The following TTC39C variants were observed in gnomAD, a reference collection of about 807,000 sequenced individuals.
TTC39C encodes tetratricopeptide repeat protein 39C.
A neutral mutation model predicts 76.3 loss-of-function variants in TTC39C; 33 were observed. That is an observed-to-expected ratio of 0.43 (90% CI 0.33 to 0.58). TTC39C has a LOEUF of 0.58. Ranked by LOEUF, TTC39C falls within the 20% of genes least tolerant of loss-of-function variation. The pLI is 0.04. For synonymous variants in TTC39C, 254 were observed against 260.6 expected (o/e 0.97, Z 0.24); for missense variants, 595 against 701.4 (o/e 0.85, Z 1.71).
intron 1 of TTC39C, among the ~76,000 whole-genome samples, chr18:24,061,593 TAAAAAAA>T (rs35502981): frequency 1.0e-5 from 1 of 95,824 alleles, no homozygotes; most frequent in Non-Finnish European, 2.0e-5. Flanking sequence ...TTGAAATAAG[TAAAAAAA>T]AAAAAAAAAA....
Position 24,020,222 on chromosome 18 carries a change from G to A in TTC39C, c.167+5184G>A, listed in dbSNP as rs950885282. 5 of 1,076,192 alleles carry A rather than the reference G, an allele frequency of 4.6e-6. No individual in the cohort carries two copies. In the African/African-American group the frequency reaches 5.0e-5, roughly 11 times the overall value. 66.7% of individuals were successfully genotyped at this position (1,076,192 alleles called of 1,614,324 possible). The stretch of plus-strand genomic sequence containing the variant: ...CAACTCAGTGGTGTGTTGGAAAAAG[G>A]CATCTTTTTTCCCCCAACTATTACA... On this transcript the variant is annotated intron_variant, in intron 1 of 13. Transcript: ENST00000317571.
At chr18:24,099,932 T>C (rs2084656213) in intron 6 of TTC39C, among the ~76,000 whole-genome samples, 1 of 152,192 alleles carries the variant, frequency 6.6e-6, no homozygotes, top group Non-Finnish European at 1.5e-5. Flanking sequence ...TGTGATATTA[T>C]TTTATTAGAC....
chr18:24,126,426 TA>T (rs35976434), intron 10 of TTC39C, among the ~76,000 whole-genome samples: 74,782 of 109,912 alleles, frequency 0.68, 25,498 homozygotes, highest in Non-Finnish European at 0.77. Context: ...CCTATTTCTT[TA>T]AAAAAAAAAA....
At chr18:24,045,268 C>CAAAAA (rs1363885578) in intron 1 of TTC39C, among the ~76,000 whole-genome samples, 7 of 5,272 alleles carry the variant, frequency 1.3e-3, no homozygotes, top group African/African-American at 5.3e-3. Flanking sequence ...GACTCTGTCT[C>CAAAAA]CAAAAAAAAA....
chr18:24,051,032 C>T (rs974729299), intron 1 of TTC39C, among the ~76,000 whole-genome samples: 1 of 152,030 alleles, frequency 6.6e-6, no homozygotes, highest in Non-Finnish European at 1.5e-5. Context: ...AGCAATAGTC[C>T]GTAGGAAGTA....
At chr18:24,050,010 C>T (rs1481172862) in intron 1 of TTC39C, among the ~76,000 whole-genome samples, 7 of 152,152 alleles carry the variant, frequency 4.6e-5, no homozygotes, top group Non-Finnish European at 8.8e-5. Flanking sequence ...TTTTCCTTGG[C>T]CTTCATTTGG....
intron 1 of TTC39C, among the ~76,000 whole-genome samples, chr18:24,000,055 G>T (rs1443663230): frequency 6.6e-6 from 1 of 152,102 alleles, no homozygotes; most frequent in African/African-American, 2.4e-5. Flanking sequence ...TACCATGGGG[G>T]CAGGACACTT....
intron 1 of TTC39C, among the ~76,000 whole-genome samples, chr18:24,058,781 C>T (rs1274099830): frequency 6.6e-6 from 1 of 152,214 alleles, no homozygotes; most frequent in East Asian, 1.9e-4. Flanking sequence ...CCACATCTCA[C>T]TAACGCTTGA....
chr18:24,031,203 C>T (rs1455915339), intron 1 of TTC39C, among the ~76,000 whole-genome samples: 1 of 152,058 alleles, frequency 6.6e-6, no homozygotes, highest in East Asian at 1.9e-4. Flanking sequence ...AGTGATCCGG[C>T]TGCCTTGGCC....
intron 1 of TTC39C, among the ~76,000 whole-genome samples, chr18:23,996,259 G>T (rs1029824077): frequency 2.0e-5 from 3 of 152,120 alleles, no homozygotes; most frequent in Non-Finnish European, 4.4e-5. Context: ...ATTGGATTTG[G>T]GCATGGGCCA....
Position 24,134,906 on chromosome 18 carries a change from C to T in TTC39C, c.*2332C>T, listed in dbSNP as rs1555779506. The T allele has an allele frequency of 1.3e-5, 2 of 152,184 alleles. No homozygotes were observed. Among genetic ancestry groups the T allele is most frequent in the South Asian group, 4.1e-4 (2 of 4,832 alleles). 9.4% of individuals were successfully genotyped at this position (152,184 alleles called of 1,614,324 possible). A position where few individuals can be genotyped will look rare whatever the true frequency, so the allele number is the denominator to read the frequency against. ...GGACTTCAGATTAGTTTGTGTTCAG[C>T]TCACTTAACTGGATAGACAATTTTG... On this transcript the variant is annotated 3_prime_UTR_variant, in exon 14 of 14. Coordinates refer to ENST00000317571, the MANE Select transcript of TTC39C (RefSeq NM_001135993.2).
Position 24,043,493 on chromosome 18 carries a change from G to T in TTC39C, c.168-20647G>T, listed in dbSNP as rs1599265553. ...ACAGAAAAATACAATTAAAGGGATAGGAACAACTCAGGGTTTTCTGGTCAT... is the reference window on the plus strand; with the variant it reads ...ACAGAAAAATACAATTAAAGGGATATGAACAACTCAGGGTTTTCTGGTCAT... On this transcript the variant is annotated intron_variant, in intron 1 of 13. Transcript: ENST00000317571. 2.0e-5 allele frequency among the ~76,000 whole-genome samples: 3 copies of T among 152,184 alleles called. No individual in the cohort carries two copies. The South Asian group carries it at 6.2e-4, about 31-fold the overall frequency.
At chr18:24,092,255 G>C (rs1403273996) in intron 6 of TTC39C, among the ~76,000 whole-genome samples, 1 of 151,966 alleles carries the variant, frequency 6.6e-6, no homozygotes, top group Non-Finnish European at 1.5e-5. Flanking sequence ...ACTACAGTAG[G>C]CAAGACAGCC....
chr18:24,088,478 C>G (rs1019280527), intron 6 of TTC39C, among the ~76,000 whole-genome samples: 5 of 152,134 alleles, frequency 3.3e-5, no homozygotes, highest in African/African-American at 1.2e-4. Context: ...TGGAACAGTT[C>G]GGATTGCAGT....
In TTC39C at chr18:24,114,663, C is replaced by T; in HGVS notation, c.1078+16C>T. 6.4e-7 allele frequency: 1 copy of T among 1,571,686 alleles called. No homozygotes were observed. The highest frequency in any genetic ancestry group is 8.8e-7 in the Non-Finnish European group (1 of 1,142,246). On this transcript the variant is annotated intron_variant, in intron 7 of 13. Transcript: ENST00000317571. Reference sequence around the variant, plus strand: ...TATGAAATTGGTAAATATGAAATGTCTGTCCAGCCTCTTGTTAAGAAGTAG... The same window carrying T: ...TATGAAATTGGTAAATATGAAATGTTTGTCCAGCCTCTTGTTAAGAAGTAG...
Position 24,014,814 on chromosome 18 carries a change from G to C in TTC39C, c.-58G>C. 1 of 1,199,362 alleles carries C rather than the reference G, an allele frequency of 8.3e-7. No individual in the cohort carries two copies. The highest frequency in any genetic ancestry group is 1.0e-6 in the Non-Finnish European group (1 of 961,270). 74.3% of individuals were successfully genotyped at this position (1,199,362 alleles called of 1,614,324 possible). ...GTAGAGCCGGGCTCCGGGCGCGCGCGGGGCCGCAGCAGCTGCTCCCGATCT... is the reference window on the plus strand; with the variant it reads ...GTAGAGCCGGGCTCCGGGCGCGCGCCGGGCCGCAGCAGCTGCTCCCGATCT... On this transcript the variant is annotated 5_prime_UTR_variant, in exon 1 of 14. Coordinates refer to ENST00000317571, the MANE Select transcript of TTC39C (RefSeq NM_001135993.2).
chr18:24,109,444 T>G (rs2145801917), intron 6 of TTC39C, among the ~76,000 whole-genome samples: 1 of 152,298 alleles, frequency 6.6e-6, no homozygotes, highest in Non-Finnish European at 1.5e-5. Context: ...ATTATAAAGT[T>G]GGCCTAGAAT....
chr18:24,051,649 A>G (rs1023834361), intron 1 of TTC39C, among the ~76,000 whole-genome samples: 1 of 152,236 alleles, frequency 6.6e-6, no homozygotes, highest in African/African-American at 2.4e-5. Context: ...AAAGGTCCCT[A>G]AAGGTCATGG....
At chr18:24,027,438 C>T (rs368991478) in intron 1 of TTC39C, among the ~76,000 whole-genome samples, 39 of 152,206 alleles carry the variant, frequency 2.6e-4, no homozygotes, top group Middle Eastern at 3.4e-3. Context: ...CAACTGATAT[C>T]TGGAACAAGA....
Sources: gnomAD v4.1 joint callset for allele counts (sites outside exome capture counted in the v4.1 genomes callset) on GRCh38, gnomAD v4.1.1 for gene constraint, MANE v1.5 for transcripts, NCBI Gene and HGNC (gene_info 2026-07-23, HGNC 2026-07-21) for gene names.